Variants in KLF12 observed in about 807,000 individuals in gnomAD.
The protein encoded by KLF12 is KLF transcription factor 12.
A neutral mutation model predicts 37.8 loss-of-function variants in KLF12; 9 were observed. That is an observed-to-expected ratio of 0.24 (90% CI 0.14 to 0.42). The LOEUF is 0.42. Ranked by LOEUF, KLF12 falls within the 10% of genes least tolerant of loss-of-function variation. The probability of loss-of-function intolerance (pLI) is 1.00; values close to 1 mark genes in which losing one functional copy is unlikely to be tolerated. For missense variants in KLF12, 411 were observed against 516.0 expected (o/e 0.80, Z 1.97); for synonymous variants, 208 against 202.1 (o/e 1.03, Z -0.25).
intron 5 of KLF12, among the ~76,000 whole-genome samples, chr13:73,766,310 C>A (rs1042766150): frequency 6.6e-6 from 1 of 152,140 alleles, no homozygotes; most frequent in African/African-American, 2.4e-5. Flanking sequence ...CGGCGTCCAG[C>A]CAAACTGGGG....
chr13:73,976,004 A>G (rs762719837), intron 2 of KLF12, among the ~76,000 whole-genome samples: 3 of 152,160 alleles, frequency 2.0e-5, no homozygotes, highest in Non-Finnish European at 4.4e-5. Context: ...TGCATTTACT[A>G]GTAAACCCCA....
Position 73,734,842 on chromosome 13 carries a change from G to A in KLF12, c.870-19317C>T, listed in dbSNP as rs182339997. Among the ~76,000 whole-genome samples the A allele has an allele frequency of 1.6e-4, 25 of 152,170 alleles. No homozygotes were observed. In the East Asian group the frequency reaches 4.3e-3, roughly 26 times the overall value. ...AAGGCTCACGAAAGGTACACTGCCC[G>A]AGATGACATAGCAAGTAAGTGGCAG... On this transcript the variant is annotated intron_variant, in intron 6 of 7. Coordinates refer to ENST00000377669, the MANE Select transcript of KLF12 (RefSeq NM_007249.5).
At chr13:74,303,898 A>G in the KLF12 span, among the ~76,000 whole-genome samples, 1 of 152,074 alleles carries the variant, frequency 6.6e-6, no homozygotes, top group Non-Finnish European at 1.5e-5. Flanking sequence ...GACTTTTCTT[A>G]AGCAATATGT....
chr13:73,949,460 A>T (rs1890565072), intron 2 of KLF12, among the ~76,000 whole-genome samples: 1 of 152,166 alleles, frequency 6.6e-6, no homozygotes, highest in South Asian at 2.1e-4. Context: ...AGTTTTCCAC[A>T]TATTTTCTTA....
Position 74,039,729 on chromosome 13 carries a change from C to T in KLF12, c.-31-44676G>A, listed in dbSNP as rs569307266. Among the ~76,000 whole-genome samples the T allele has an allele frequency of 4.6e-5, 7 of 152,204 alleles. No homozygotes were observed. In the South Asian group the frequency reaches 1.5e-3, roughly 32 times the overall value. On this transcript the variant is annotated intron_variant, in intron 1 of 7. Transcript: ENST00000377669. ...AATGTTATATTTCAAAAGCGTAATA[C>T]AATTAGGATAAAGATAGAAATTCTT... is the stretch of plus-strand genomic sequence containing the variant.
chr13:73,778,353 TTTTG>T (rs1880753385), intron 5 of KLF12, among the ~76,000 whole-genome samples: 1 of 152,034 alleles, frequency 6.6e-6, no homozygotes, highest in South Asian at 2.1e-4. Flanking sequence ...AGAGTTTCTT[TTTTG>T]TTTTTCTTGA....
At chr13:73,806,266 G>T (rs1474039440) in intron 5 of KLF12, among the ~76,000 whole-genome samples, 3 of 151,854 alleles carry the variant, frequency 2.0e-5, no homozygotes, top group Non-Finnish European at 4.4e-5. Flanking sequence ...ACCACGCTCG[G>T]CTAATTTTTC....
At chr13:74,146,808 A>G in the KLF12 span, among the ~76,000 whole-genome samples, 1 of 152,214 alleles carries the variant, frequency 6.6e-6, no homozygotes, top group Non-Finnish European at 1.5e-5. Flanking sequence ...CATTTTAGAA[A>G]AGAGAAAACT....
chr13:74,131,212 C>T (rs1015192470), intron 1 of KLF12, among the ~76,000 whole-genome samples: 2 of 152,194 alleles, frequency 1.3e-5, no homozygotes, highest in Admixed American at 6.5e-5. Context: ...ACATCTAAAA[C>T]TCACTGGAGC....
intron 2 of KLF12, among the ~76,000 whole-genome samples, chr13:73,991,620 G>GAT (rs1383716501): frequency 6.6e-6 from 1 of 152,188 alleles, no homozygotes; most frequent in Non-Finnish European, 1.5e-5. Context: ...AATTCACAAA[G>GAT]GAGAGGGCAC....
At chr13:74,052,851 C>T (rs1259062005) in intron 1 of KLF12, among the ~76,000 whole-genome samples, 2 of 152,152 alleles carry the variant, frequency 1.3e-5, no homozygotes, top group Non-Finnish European at 2.9e-5. Flanking sequence ...ATTTCTGCCT[C>T]ATAAACTTCT....
rs552010058 is a variant in KLF12 at position 74,041,002 on chromosome 13, G to A, written c.-31-45949C>T. ...TCCCTTCTTGTCCATTTGCATTGCC[G>A]CAACAGTTGTCTAGGGTGACAATAA... On this transcript the variant is annotated intron_variant, in intron 1 of 7. Coordinates refer to ENST00000377669, the MANE Select transcript of KLF12 (RefSeq NM_007249.5). Among the ~76,000 whole-genome samples, 11 of 152,170 alleles carry A rather than the reference G, an allele frequency of 7.2e-5. No individual in the cohort carries two copies. The South Asian group carries it at 1.2e-3, about 17-fold the overall frequency.
At chr13:73,935,710 C>A (rs924206656) in intron 3 of KLF12, among the ~76,000 whole-genome samples, 1 of 152,134 alleles carries the variant, frequency 6.6e-6, no homozygotes, top group South Asian at 2.1e-4. Context: ...TTACTGCAAC[C>A]TCCACCTCCC....
chr13:73,760,126 G>A (rs1879451486), intron 6 of KLF12, among the ~76,000 whole-genome samples: 1 of 152,072 alleles, frequency 6.6e-6, no homozygotes, highest in South Asian at 2.1e-4. Flanking sequence ...ACACCCAAAT[G>A]TGAAAAATGA....
chr13:73,962,950 A>G (rs900963115), intron 2 of KLF12, among the ~76,000 whole-genome samples: 1 of 152,218 alleles, frequency 6.6e-6, no homozygotes, highest in Non-Finnish European at 1.5e-5. Context: ...ACAATTTTAT[A>G]TTACTTAAGC....
At chr13:73,857,357 A>C (rs1466396263) in intron 3 of KLF12, among the ~76,000 whole-genome samples, 1 of 152,220 alleles carries the variant, frequency 6.6e-6, no homozygotes, top group African/African-American at 2.4e-5. Flanking sequence ...TGGTGAGGAC[A>C]CAGAAAATGA....
chr13:74,270,697 G>A, the KLF12 span, among the ~76,000 whole-genome samples: 1 of 152,180 alleles, frequency 6.6e-6, no homozygotes, highest in African/African-American at 2.4e-5. Flanking sequence ...TATTGAGTGT[G>A]TAGTTGGAAT....
At chr13:74,294,646 C>T in the KLF12 span, among the ~76,000 whole-genome samples, 2 of 152,200 alleles carry the variant, frequency 1.3e-5, no homozygotes, top group Non-Finnish European at 2.9e-5. Context: ...AGATTACAGG[C>T]GTGAACCACT....
the KLF12 span, among the ~76,000 whole-genome samples, chr13:74,143,263 G>C: frequency 7.4e-6 from 1 of 135,402 alleles, no homozygotes; most frequent in African/African-American, 2.7e-5. Flanking sequence ...CATGAAGCAT[G>C]AAGACTTTGG....
Sources: allele counts gnomAD v4.1 joint callset (sites outside exome capture counted in the v4.1 genomes callset), GRCh38; gene constraint gnomAD v4.1.1; transcripts MANE v1.5; gene names NCBI Gene and HGNC (gene_info 2026-07-23, HGNC 2026-07-21).